The following NOL4L variants were observed in gnomAD, a reference collection of about 807,000 sequenced individuals.
NOL4L encodes the protein nucleolar protein 4-like.
A neutral mutation model predicts 64.5 loss-of-function variants in NOL4L; 7 were observed. The observed-to-expected ratio is 0.11, with a 90% CI of 0.06 to 0.20. The LOEUF is 0.20. Among genes scored for constraint, NOL4L ranks in the 10% least tolerant of loss-of-function variants. The pLI, the probability that NOL4L is intolerant of heterozygous loss-of-function variation, is 1.00. For missense variants in NOL4L, 680 were observed against 967.1 expected (o/e 0.70, Z 3.94); for synonymous variants, 413 against 401.0 (o/e 1.03, Z -0.36).
intron 1 of NOL4L, among the ~76,000 whole-genome samples, chr20:32,552,894 C>T (rs1978394346): frequency 6.6e-6 from 1 of 152,178 alleles, no homozygotes; most frequent in Non-Finnish European, 1.5e-5. Flanking sequence ...ATCCCAACTA[C>T]TTGGGAGGCT....
At chr20:32,558,307 A>ATCCTCC (rs1352926707) in intron 1 of NOL4L, among the ~76,000 whole-genome samples, 2 of 152,074 alleles carry the variant, frequency 1.3e-5, no homozygotes, top group Non-Finnish European at 2.9e-5. Context: ...CCTCCTCACG[A>ATCCTCC]TCAAGAGAGC....
intron 1 of NOL4L, among the ~76,000 whole-genome samples, chr20:32,568,213 C>T (rs577731211): frequency 3.3e-5 from 5 of 152,104 alleles, no homozygotes; most frequent in African/African-American, 7.2e-5. Context: ...ATGTAGCATC[C>T]GTTCCCCACA....
In NOL4L at chr20:32,474,865, C is replaced by G. The variant is rs1022062074; in HGVS notation, c.700-123G>C. 4 of 1,435,382 alleles carry G rather than the reference C, an allele frequency of 2.8e-6. No homozygotes were observed. The African/African-American group carries it at 5.7e-5, about 21-fold the overall frequency. The allele number at this position is 1,435,382 out of a possible 1,614,324, so 88.9% of individuals were successfully genotyped here. ...GAGTGCCCTGAAGGCGGCAGGAGCCCTCAAACCTTGAAGTGAGGGCTGGGT... is the reference window on the plus strand; with the variant it reads ...GAGTGCCCTGAAGGCGGCAGGAGCCGTCAAACCTTGAAGTGAGGGCTGGGT... On this transcript the variant is annotated intron_variant, in intron 4 of 10. Transcript: ENST00000621426.
At chr20:32,483,194 C>T (rs1188759450) in intron 4 of NOL4L, among the ~76,000 whole-genome samples, 1 of 151,016 alleles carries the variant, frequency 6.6e-6, no homozygotes, top group Non-Finnish European at 1.5e-5. Flanking sequence ...CCCCCTCCCT[C>T]AGCCCCGGCA....
At chr20:32,476,903 A>C (rs2015431243) in intron 4 of NOL4L, among the ~76,000 whole-genome samples, 1 of 152,224 alleles carries the variant, frequency 6.6e-6, no homozygotes, top group Admixed American at 6.5e-5. Context: ...GGAGCCCATG[A>C]GGTCTGTGTG....
At chr20:32,520,720 C>A (rs1443218128) in intron 3 of NOL4L, 91 bp downstream of exon 3, 1 of 763,720 alleles carries the variant, frequency 1.3e-6, no homozygotes, top group Non-Finnish European at 2.1e-6. Context: ...CTGCTGGACA[C>A]TTTTCTGTGC....
At chr20:32,577,906 T>C (rs6087935) in intron 1 of NOL4L, among the ~76,000 whole-genome samples, 32,301 of 151,758 alleles carry the variant, frequency 0.21, 6,140 homozygotes, top group African/African-American at 0.52. Flanking sequence ...ATGAGGAATA[T>C]TGAGGCTCAG....
chr20:32,579,270 G>C (rs952570663), intron 1 of NOL4L, among the ~76,000 whole-genome samples: 1 of 152,146 alleles, frequency 6.6e-6, no homozygotes, highest in Non-Finnish European at 1.5e-5. Context: ...ACACACACAA[G>C]CATTTCCAGC....
chr20:32,490,309 T>C (rs1248471924), intron 4 of NOL4L, among the ~76,000 whole-genome samples: 1 of 151,838 alleles, frequency 6.6e-6, no homozygotes, highest in Admixed American at 6.6e-5. Context: ...AGGTACAGCA[T>C]ATTTATGGAG....
chr20:32,556,274 T>TGGG (rs58089481), intron 1 of NOL4L, among the ~76,000 whole-genome samples: 2 of 144,172 alleles, frequency 1.4e-5, no homozygotes, highest in Non-Finnish European at 3.1e-5. Flanking sequence ...ATTTCCTTTG[T>TGGG]GGGGGGGGGG....
At chr20:32,478,418 A>G (rs952003010) in intron 4 of NOL4L, among the ~76,000 whole-genome samples, 2 of 152,188 alleles carry the variant, frequency 1.3e-5, no homozygotes, top group African/African-American at 4.8e-5. Context: ...TTAGCTAGGA[A>G]AAGGGACCAG....
intron 4 of NOL4L, among the ~76,000 whole-genome samples, chr20:32,480,912 T>G (rs1029279009): frequency 6.6e-6 from 1 of 152,034 alleles, no homozygotes; most frequent in African/African-American, 2.4e-5. Context: ...CTTCCAGCAC[T>G]CCCTGCACAA....
intron 1 of NOL4L, among the ~76,000 whole-genome samples, chr20:32,531,304 G>A (rs1251903621): frequency 1.3e-5 from 2 of 152,168 alleles, no homozygotes; most frequent in African/African-American, 2.4e-5. Context: ...TTATGTAGGT[G>A]AGATGGAAAT....
intron 9 of NOL4L, 32 bp downstream of exon 9, chr20:32,452,852 G>A: frequency 6.2e-7 from 1 of 1,611,670 alleles, no homozygotes; most frequent in Admixed American, 1.7e-5. Context: ...CTGCCCAGGA[G>A]CGGCCCCTGT....
At chr20:32,548,798 A>G (rs866158134) in intron 1 of NOL4L, 31 of 446,618 alleles carry the variant, frequency 6.9e-5, no homozygotes, top group African/African-American at 6.3e-4. Flanking sequence ...GTCTTGCGAG[A>G]GCAGAATATC....
chr20:32,522,959 T>G (rs78263027), intron 2 of NOL4L, among the ~76,000 whole-genome samples: 6 of 152,134 alleles, frequency 3.9e-5, no homozygotes, highest in Non-Finnish European at 8.8e-5. Flanking sequence ...CAGAGAAATA[T>G]TTTTTAAAGG....
At chr20:32,562,072 G>T (rs542749877) in intron 1 of NOL4L, among the ~76,000 whole-genome samples, 1 of 152,252 alleles carries the variant, frequency 6.6e-6, no homozygotes, top group Non-Finnish European at 1.5e-5. Context: ...TACTCCGAGG[G>T]CCATGGGGTG....
chr20:32,566,423 AT>A (rs1979433777), intron 1 of NOL4L, among the ~76,000 whole-genome samples: 1 of 137,688 alleles, frequency 7.3e-6, no homozygotes, highest in Non-Finnish European at 1.6e-5. Flanking sequence ...CAAGGTTGGC[AT>A]CACTGACTCC....
At chr20:32,507,047 T>C (rs2017167424) in intron 4 of NOL4L, among the ~76,000 whole-genome samples, 1 of 152,148 alleles carries the variant, frequency 6.6e-6, no homozygotes, top group African/African-American at 2.4e-5. Flanking sequence ...AGGTGAGCCC[T>C]GAGCCTCTCT....
Sources: gnomAD v4.1 joint callset for allele counts (sites outside exome capture counted in the v4.1 genomes callset) on GRCh38, gnomAD v4.1.1 for gene constraint, MANE v1.5 for transcripts, NCBI Gene and HGNC (gene_info 2026-07-23, HGNC 2026-07-21) for gene names.